SLC5A9: variants seen among roughly 807,000 people sequenced by gnomAD.
SLC5A9 encodes the protein solute carrier family 5 member 9.
A neutral mutation model predicts 70.9 loss-of-function variants in SLC5A9; 59 were observed. The observed-to-expected ratio is 0.83, with a 90% confidence interval of 0.68 to 1.03. The LOEUF (loss-of-function observed/expected upper bound fraction) is 1.03. SLC5A9 is among the 50% of genes least tolerant of loss of function. The probability of loss-of-function intolerance (pLI) is 0.00; values close to 1 mark genes in which losing one functional copy is unlikely to be tolerated. For missense variants in SLC5A9, 832 were observed against 881.1 expected, an observed-to-expected ratio of 0.94 and a Z score of 0.71; for synonymous variants, 340 against 346.5, an observed-to-expected ratio of 0.98 and a Z score of 0.21.
chr1:48,241,312 G>A (rs1467826200), intron 12 of SLC5A9: 1 of 152,726 alleles, frequency 6.5e-6, no homozygotes, highest in Non-Finnish European at 1.5e-5. Flanking sequence ...CAGTCCATAT[G>A]CTATTTGTGA....
intron 4 of SLC5A9, 192 bp downstream of exon 4, chr1:48,229,651 T>C (rs1644220130): frequency 1.2e-6 from 1 of 807,398 alleles, no homozygotes; most frequent in Non-Finnish European, 1.9e-6. Context: ...ATAAATGTTT[T>C]TGGAGTGAAT....
Position 48,239,094 on chromosome 1 carries a change from C to T in SLC5A9, c.1462-228C>T, listed in dbSNP as rs1430333272. ...TTGGTTCAGTCAGTTCACAATGGAG[C>T]CAGGATTCAAATCTTAGTCTACCTG... On this transcript the variant is annotated intron_variant, in intron 11 of 13. Transcript: ENST00000438567. The surrounding 1 kb of genome is among the most constrained non-coding windows in gnomAD (Gnocchi z 4.2). 2.0e-5 allele frequency among the ~76,000 whole-genome samples: 3 copies of T among 152,184 alleles called. No individual in the cohort carries two copies. Among genetic ancestry groups the T allele is most frequent in the African/African-American group, 7.2e-5 (3 of 41,432 alleles).
chr1:48,242,422 A>G, intron 12 of SLC5A9, 35 bp from the exon 13 acceptor site: 2 of 1,553,434 alleles, frequency 1.3e-6, no homozygotes, highest in South Asian at 2.4e-5. Context: ...ACTTCTCTCC[A>G]AGGCAACTGA....
In SLC5A9 at chr1:48,232,482, T is replaced by C; in HGVS notation, c.1013T>C (p.Ile338Thr). The part of the protein sequence containing the change: ...PMFFIVMPGM[I>T]SRALFPDEVG... ...TTCTTCATCGTCATGCCTGGCATGA[T>C]CAGCCGGGCCCTGTTCCCAGGTAAG... The change falls in exon 8 of 14, where the codon ATC (isoleucine) becomes ACC (threonine). Residue 338 changes from isoleucine to threonine, a missense_variant. Coordinates refer to ENST00000438567, the MANE Select transcript of SLC5A9 (RefSeq NM_001011547.3). 6.2e-7 allele frequency: 1 copy of C among 1,614,182 alleles called. No individual in the cohort carries two copies. Among genetic ancestry groups the C allele is most frequent in the Non-Finnish European group, 8.5e-7 (1 of 1,180,030 alleles).
intron 13 of SLC5A9, among the ~76,000 whole-genome samples, chr1:48,244,875 TGTG>T (rs1644439471): frequency 4.7e-5 from 1 of 21,316 alleles, no homozygotes; most frequent in African/African-American, 1.8e-4. Context: ...TGTATGTGTA[TGTG>T]TATATATATA....
chr1:48,228,588 T>C (rs1259027650), intron 2 of SLC5A9: 5 of 469,720 alleles, frequency 1.1e-5, no homozygotes, highest in African/African-American at 2.0e-5. Context: ...CACTTTCCCT[T>C]TTTTCCCACT....
intron 12 of SLC5A9, among the ~76,000 whole-genome samples, chr1:48,240,924 G>T (rs573607740): frequency 6.6e-6 from 1 of 152,244 alleles, no homozygotes; most frequent in Admixed American, 6.5e-5. Context: ...AAAATCAAAG[G>T]TCATGTTCCT....
rs1644482242 is a variant in SLC5A9, at chr1:48,248,434, T to TTC, written c.*892_*893insCT. On this transcript the variant is annotated 3_prime_UTR_variant, in exon 14 of 14. Coordinates refer to ENST00000438567, the MANE Select transcript of SLC5A9 (RefSeq NM_001011547.3). ...ACCTTGGAATACACTGTGACCCCAG[T>TTC]TAAGTGTCCCTTCGCCAGGAAGCTG... 6.6e-6 allele frequency: 1 copy of TTC among 152,302 alleles called. No homozygotes were observed. Among genetic ancestry groups the TTC allele is most frequent in the Admixed American group, 6.5e-5 (1 of 15,278 alleles). 9.4% of individuals were successfully genotyped at this position (152,302 alleles called of 1,614,324 possible).
At chr1:48,230,274 T>C (rs934840256) in intron 4 of SLC5A9, among the ~76,000 whole-genome samples, 1 of 152,220 alleles carries the variant, frequency 6.6e-6, no homozygotes, top group African/African-American at 2.4e-5. Context: ...AATGAGCTCT[T>C]CTTCTCCAGC....
intron 12 of SLC5A9, 61 bp from the exon 13 acceptor site, chr1:48,242,396 G>A: frequency 6.6e-7 from 1 of 1,526,582 alleles, no homozygotes; most frequent in Non-Finnish European, 8.8e-7. Flanking sequence ...ATGGGCCTCT[G>A]TTCTTCTACA....
intron 2 of SLC5A9, among the ~76,000 whole-genome samples, chr1:48,227,180 T>A (rs117056655): frequency 4.2e-4 from 60 of 144,502 alleles, no homozygotes; most frequent in East Asian, 1.1e-3. Flanking sequence ...TGTGTGCGTG[T>A]GTGTGTGTAC....
chr1:48,247,568 G>C lies in SLC5A9; in HGVS notation c.*25G>C. Reference sequence around the variant, plus strand: ...ATTCCACAGACCTGGCTTCAGTGTAGACAGATTAAACAAAGCCCAAGCCTG... The same window carrying C: ...ATTCCACAGACCTGGCTTCAGTGTACACAGATTAAACAAAGCCCAAGCCTG... On this transcript the variant is annotated 3_prime_UTR_variant, in exon 14 of 14. Transcript: ENST00000438567. The C allele has an allele frequency of 1.2e-6, 2 of 1,611,304 alleles. No homozygotes were observed. The highest frequency in any genetic ancestry group is 1.7e-6 in the Non-Finnish European group (2 of 1,177,494).
intron 4 of SLC5A9, 170 bp downstream of exon 4, chr1:48,229,629 C>CA (rs1569826623): frequency 3.0e-6 from 3 of 1,005,734 alleles, no homozygotes; most frequent in East Asian, 2.6e-5. Context: ...CTGGGGTACT[C>CA]AGAGATGAAT....
intron 12 of SLC5A9, among the ~76,000 whole-genome samples, chr1:48,240,732 C>T (rs1644381641): frequency 6.6e-6 from 1 of 152,174 alleles, no homozygotes; most frequent in Non-Finnish European, 1.5e-5. Flanking sequence ...ATCCTGTTAT[C>T]CTCTAGTTCC....
At chr1:48,244,910 A>ATATATATATATATATATG (rs56780309) in intron 13 of SLC5A9, among the ~76,000 whole-genome samples, 2 of 110,634 alleles carry the variant, frequency 1.8e-5, no homozygotes, top group Non-Finnish European at 3.6e-5. Flanking sequence ...ATATATATAT[A>ATATATATATATATATATG]AAACCTCTGT....
chr1:48,240,720 G>T (rs1205020725), intron 12 of SLC5A9, among the ~76,000 whole-genome samples: 1 of 152,008 alleles, frequency 6.6e-6, no homozygotes, highest in Non-Finnish European at 1.5e-5. Context: ...ATCCTTCCCT[G>T]AATCCTGTTA....
chr1:48,233,305 G>A (rs962088931), intron 8 of SLC5A9, among the ~76,000 whole-genome samples: 4 of 138,574 alleles, frequency 2.9e-5, no homozygotes, highest in African/African-American at 1.1e-4. Context: ...AGGTTGTAGT[G>A]AGCCAAGATT....
chr1:48,231,058 G>A (rs948921773), intron 5 of SLC5A9, among the ~76,000 whole-genome samples: 5 of 152,154 alleles, frequency 3.3e-5, no homozygotes, highest in African/African-American at 1.2e-4. Flanking sequence ...CCAAGCCAGA[G>A]TCACTGCAGG....
In SLC5A9 at chr1:48,232,509, A is replaced by G; in HGVS notation, c.1033+7A>G. 6.2e-7 allele frequency: 1 copy of G among 1,614,078 alleles called. No individual in the cohort carries two copies. Among genetic ancestry groups the G allele is most frequent in the Non-Finnish European group, 8.5e-7 (1 of 1,179,970 alleles). On this transcript the variant is annotated splice_region_variant and intron_variant, in intron 8 of 13. Coordinates refer to ENST00000438567, the MANE Select transcript of SLC5A9 (RefSeq NM_001011547.3). Reference sequence around the variant, plus strand: ...AGCCGGGCCCTGTTCCCAGGTAAGAACGAGCCTTGCTCTCTGGGTATTGGG... The same window carrying G: ...AGCCGGGCCCTGTTCCCAGGTAAGAGCGAGCCTTGCTCTCTGGGTATTGGG...
Sources: allele counts gnomAD v4.1 joint callset (sites outside exome capture counted in the v4.1 genomes callset), GRCh38; gene constraint gnomAD v4.1.1; non-coding constraint Gnocchi (gnomAD v3.1); transcripts MANE v1.5; gene names NCBI Gene and HGNC (gene_info 2026-07-23, HGNC 2026-07-21).